Variants in TTC7B observed in about 807,000 individuals in gnomAD.
TTC7B encodes tetratricopeptide repeat domain 7B, also known as tetratricopeptide repeat protein 7B.
Under a neutral mutation model 106.8 loss-of-function variants are expected in TTC7B, and 28 were observed. The observed-to-expected ratio is 0.26, with a 90% CI of 0.19 to 0.36. The LOEUF (loss-of-function observed/expected upper bound fraction) is 0.36. TTC7B is among the 10% of genes least tolerant of loss of function. The probability of loss-of-function intolerance (pLI) is 1.00; values close to 1 mark genes in which losing one functional copy is unlikely to be tolerated. For synonymous variants in TTC7B, 405 were observed against 430.6 expected (o/e 0.94, Z 0.74); for missense variants, 862 against 1,076.4 (o/e 0.80, Z 2.79).
At chr14:90,804,538 G>A (rs1395390805) in intron 1 of TTC7B, among the ~76,000 whole-genome samples, 1 of 152,178 alleles carries the variant, frequency 6.6e-6, no homozygotes, top group Non-Finnish European at 1.5e-5. Context: ...GTGATTCCAG[G>A]CGGAAAGGAG....
intron 5 of TTC7B, 62 bp from the exon 6 acceptor site, chr14:90,695,640 T>C: frequency 1.8e-6 from 2 of 1,120,040 alleles, no homozygotes; most frequent in Non-Finnish European, 2.5e-6. Flanking sequence ...ATATTTTATA[T>C]GCACGTTTCA....
rs1886011429 is a variant in TTC7B at position 90,657,790 on chromosome 14, G to A, written c.1237-512C>T. The A allele has an allele frequency of 5.5e-6, 1 of 183,118 alleles. No individual in the cohort carries two copies. Among genetic ancestry groups the A allele is most frequent in the Admixed American group, 5.4e-5 (1 of 18,620 alleles). 11.3% of individuals were successfully genotyped at this position (183,118 alleles called of 1,614,324 possible). On this transcript the variant is annotated intron_variant, in intron 10 of 19. Coordinates refer to ENST00000328459, the MANE Select transcript of TTC7B (RefSeq NM_001010854.2). The surrounding 1 kb of genome is among the most constrained non-coding windows in gnomAD (Gnocchi z 4.2). ...CTCATTCTCCTGATAACACATCTAT[G>A]GAGCAGGTGCTGTTCTTACTCCATT... is the stretch of plus-strand genomic sequence containing the variant.
At chr14:90,595,099 C>T (rs1329079130) in intron 17 of TTC7B, among the ~76,000 whole-genome samples, 6 of 151,896 alleles carry the variant, frequency 4.0e-5, no homozygotes, top group African/African-American at 1.2e-4. Flanking sequence ...TTTGGGAGGC[C>T]GAGGCGGGCA....
At chr14:90,740,793 C>T (rs1889731910) in intron 4 of TTC7B, among the ~76,000 whole-genome samples, 1 of 152,124 alleles carries the variant, frequency 6.6e-6, no homozygotes, top group African/African-American at 2.4e-5. Flanking sequence ...TGAGCCACCA[C>T]ACCCGGCCTC....
chr14:90,557,353 C>A (rs929104978), intron 19 of TTC7B, among the ~76,000 whole-genome samples: 1 of 152,162 alleles, frequency 6.6e-6, no homozygotes, highest in African/African-American at 2.4e-5. Flanking sequence ...TGCTGTGTGA[C>A]CTCCATCAAC....
At chr14:90,606,157 A>G (rs945623182) in intron 17 of TTC7B, among the ~76,000 whole-genome samples, 2 of 152,230 alleles carry the variant, frequency 1.3e-5, no homozygotes, top group Non-Finnish European at 2.9e-5. Context: ...AAGCACTTAT[A>G]TACAGTTTAC....
intron 16 of TTC7B, among the ~76,000 whole-genome samples, chr14:90,611,989 C>A (rs1892895259): frequency 6.6e-6 from 1 of 152,138 alleles, no homozygotes; most frequent in Non-Finnish European, 1.5e-5. Context: ...TCAGATTCTA[C>A]AATAAGGAGA....
intron 18 of TTC7B, among the ~76,000 whole-genome samples, chr14:90,588,576 G>A (rs1186958374): frequency 1.3e-5 from 2 of 152,166 alleles, no homozygotes; most frequent in African/African-American, 4.8e-5. Flanking sequence ...TGGCTCCTGA[G>A]GAACCATGTC....
At chr14:90,603,977 C>A (rs1169560695) in intron 17 of TTC7B, among the ~76,000 whole-genome samples, 1 of 152,112 alleles carries the variant, frequency 6.6e-6, no homozygotes, top group Non-Finnish European at 1.5e-5. Flanking sequence ...GAGCACTGCC[C>A]GGGACATACT....
intron 17 of TTC7B, among the ~76,000 whole-genome samples, chr14:90,596,671 G>C (rs1892217174): frequency 6.6e-6 from 1 of 152,080 alleles, no homozygotes; most frequent in African/African-American, 2.4e-5. Context: ...GCTTCTATGT[G>C]GTTGTCACTA....
chr14:90,589,032 C>G (rs1458443139), intron 18 of TTC7B, among the ~76,000 whole-genome samples: 4 of 152,016 alleles, frequency 2.6e-5, no homozygotes, highest in African/African-American at 7.3e-5. Context: ...AAGCTACGGA[C>G]AGAAAACTGA....
At chr14:90,721,647 ACAGGGCATGGT>A (rs1566855596) in intron 5 of TTC7B, among the ~76,000 whole-genome samples, 1 of 152,124 alleles carries the variant, frequency 6.6e-6, no homozygotes, top group East Asian at 1.9e-4. Context: ...GAAGGTACTG[ACAGGGCATGGT>A]CAGTATGGCC....
At chr14:90,610,953 C>A in intron 16 of TTC7B, 114 bp from the exon 17 acceptor site, 2 of 769,894 alleles carry the variant, frequency 2.6e-6, no homozygotes, top group Non-Finnish European at 2.3e-6. Flanking sequence ...GCATTTTTTA[C>A]GTTCTTCAGC....
intron 4 of TTC7B, among the ~76,000 whole-genome samples, chr14:90,737,977 G>GAAA (rs1184087441): frequency 1.3e-5 from 2 of 152,242 alleles, no homozygotes; most frequent in African/African-American, 4.8e-5. Flanking sequence ...CTGAGTGCAA[G>GAAA]GTTTCTTTCT....
chr14:90,766,506 A>G (rs1890686881), intron 3 of TTC7B: 1 of 705,874 alleles, frequency 1.4e-6, no homozygotes, highest in Non-Finnish European at 2.6e-6. Context: ...CAGGAGGCCT[A>G]CGTGCCACCT....
chr14:90,666,656 T>C (rs1886422348), intron 9 of TTC7B, among the ~76,000 whole-genome samples: 1 of 152,190 alleles, frequency 6.6e-6, no homozygotes, highest in African/African-American at 2.4e-5. Context: ...TCTCCTTATG[T>C]TGGAAATAAA....
chr14:90,651,841 C>T (rs1365928343), intron 13 of TTC7B, among the ~76,000 whole-genome samples: 1 of 152,158 alleles, frequency 6.6e-6, no homozygotes, highest in African/African-American at 2.4e-5. Context: ...GGCATACGGA[C>T]ACCATGATAA....
chr14:90,681,889 GTGTA>G (rs201965848), intron 7 of TTC7B, among the ~76,000 whole-genome samples: 41 of 72,858 alleles, frequency 5.6e-4, no homozygotes, highest in East Asian at 2.4e-3. Context: ...TTGTGTGTGT[GTGTA>G]TGTGTGTGTG....
rs940344218 is a variant in TTC7B at position 90,539,578 on chromosome 14, A to G, written c.*1790T>C. On this transcript the variant is annotated 3_prime_UTR_variant, in exon 20 of 20. Coordinates refer to ENST00000328459, the MANE Select transcript of TTC7B (RefSeq NM_001010854.2). ...GTCTCTCCCTCCTTGGCTGCCCCCTAGCCCGCCTGCCTCAGTGAGCCAGAG... is the reference window on the plus strand; with the variant it reads ...GTCTCTCCCTCCTTGGCTGCCCCCTGGCCCGCCTGCCTCAGTGAGCCAGAG... 1 of 152,416 alleles carries G rather than the reference A, an allele frequency of 6.6e-6. No individual in the cohort carries two copies. The highest frequency in any genetic ancestry group is 1.5e-5 in the Non-Finnish European group (1 of 68,226). The allele number at this position is 152,416 out of a possible 1,614,324, so 9.4% of individuals were successfully genotyped here.
Sources: allele counts gnomAD v4.1 joint callset (sites outside exome capture counted in the v4.1 genomes callset), GRCh38; gene constraint gnomAD v4.1.1; non-coding constraint Gnocchi (gnomAD v3.1); transcripts MANE v1.5; gene names NCBI Gene and HGNC (gene_info 2026-07-23, HGNC 2026-07-21).